Variants in FHIP1A observed in about 807,000 individuals in gnomAD.
FHIP1A encodes the protein FHF complex subunit HOOK-interacting protein 1A.
FHIP1A carries 61 observed loss-of-function variants against 88.6 expected under a neutral mutation model. The ratio of observed to expected loss-of-function variants is 0.69; its 90% CI spans 0.56 to 0.85. FHIP1A has a LOEUF of 0.85. Ranked by LOEUF, FHIP1A falls within the 40% of genes least tolerant of loss-of-function variation. The probability of loss-of-function intolerance (pLI) is 0.00; values close to 1 mark genes in which losing one functional copy is unlikely to be tolerated. For missense variants in FHIP1A, 1,154 were observed against 1,273.5 expected (o/e 0.91, Z 1.43); for synonymous variants, 478 against 496.0 (o/e 0.96, Z 0.48).
intron 3 of FHIP1A, among the ~76,000 whole-genome samples, chr4:151,493,917 ACAAGG>A (rs1730372236): frequency 6.6e-6 from 1 of 152,188 alleles, no homozygotes; most frequent in Admixed American, 6.5e-5. Context: ...CCGGAACAAG[ACAAGG>A]AAGCCCACTT....
intron 7 of FHIP1A, among the ~76,000 whole-genome samples, chr4:151,597,406 G>C (rs895379079): frequency 6.6e-6 from 1 of 152,100 alleles, no homozygotes; most frequent in African/African-American, 2.4e-5. Context: ...TGGAAGCTTC[G>C]TCCCAGAGGG....
intron 2 of FHIP1A, among the ~76,000 whole-genome samples, chr4:151,480,628 T>C (rs562067984): frequency 6.6e-6 from 1 of 152,202 alleles, no homozygotes; most frequent in African/African-American, 2.4e-5. Flanking sequence ...GAGGTGATAC[T>C]GGTAGTTCCC....
chr4:151,631,221 G>C (rs180856676), intron 8 of FHIP1A, among the ~76,000 whole-genome samples: 1 of 151,926 alleles, frequency 6.6e-6, no homozygotes, highest in African/African-American at 2.4e-5. Flanking sequence ...TCTTTGACAA[G>C]ATTCACAAAC....
chr4:151,574,520 A>G (rs894827172), intron 4 of FHIP1A, among the ~76,000 whole-genome samples: 4 of 152,096 alleles, frequency 2.6e-5, no homozygotes, highest in Admixed American at 2.6e-4. Flanking sequence ...TATATTGTAT[A>G]TATAAAATAT....
intron 1 of FHIP1A, among the ~76,000 whole-genome samples, chr4:151,411,222 T>C (rs1732626512): frequency 6.6e-6 from 1 of 152,184 alleles, no homozygotes; most frequent in Non-Finnish European, 1.5e-5. Context: ...CTAAGTTCTT[T>C]CTTTAATAGG....
chr4:151,469,124 A>G lies in FHIP1A; in HGVS notation c.-247-13400A>G, dbSNP rs186820150. On this transcript the variant is annotated intron_variant, in intron 2 of 13. Coordinates refer to ENST00000435205, the MANE Select transcript of FHIP1A (RefSeq NM_001109977.3). The stretch of plus-strand genomic sequence containing the variant: ...CTTCCCTCAAAAAAGCTGATTTACC[A>G]TTGCTTTAGTTGCTTTTGGATAATA... 4.3e-3 allele frequency among the ~76,000 whole-genome samples: 658 copies of G among 152,348 alleles called. 4 individuals are homozygous for G. Among genetic ancestry groups the G allele is most frequent in the Non-Finnish European group, 5.7e-3 (391 of 68,024 alleles).
intron 3 of FHIP1A, among the ~76,000 whole-genome samples, chr4:151,525,484 C>T (rs550261093): frequency 6.6e-6 from 1 of 152,334 alleles, no homozygotes; most frequent in Admixed American, 6.5e-5. Context: ...AGTGCCAGAT[C>T]TCATCCTTGA....
Position 151,651,472 on chromosome 4 carries a change from G to A in FHIP1A, c.2551+880G>A, listed in dbSNP as rs1000777119. 4.6e-5 allele frequency among the ~76,000 whole-genome samples: 7 copies of A among 152,230 alleles called. No homozygotes were observed. The South Asian group carries it at 6.2e-4, about 13-fold the overall frequency. On this transcript the variant is annotated intron_variant, in intron 11 of 13. Transcript: ENST00000435205. ...CAAGGAGAGGGGCTGGAAGATAGTA[G>A]CAATGGAGGGTGACAGTGGCCTTGG...
chr4:151,634,849 T>A (rs1453675168), intron 8 of FHIP1A, among the ~76,000 whole-genome samples: 1 of 151,878 alleles, frequency 6.6e-6, no homozygotes, highest in Non-Finnish European at 1.5e-5. Flanking sequence ...TTTGTAATAA[T>A]TTCTTGGATA....
At chr4:151,652,479 A>G (rs1737065107) in intron 11 of FHIP1A, among the ~76,000 whole-genome samples, 1 of 152,184 alleles carries the variant, frequency 6.6e-6, no homozygotes. Flanking sequence ...CCATTTGTCT[A>G]ATTTTATTTA....
intron 7 of FHIP1A, among the ~76,000 whole-genome samples, chr4:151,608,037 C>CTGTTTTTT (rs1735146397): frequency 1.5e-5 from 1 of 67,104 alleles, no homozygotes; most frequent in Admixed American, 2.2e-4. Context: ...CTTTCTTCTT[C>CTGTTTTTT]TTTTTTTTTT....
At chr4:151,418,447 T>C (rs1177067477) in intron 1 of FHIP1A, among the ~76,000 whole-genome samples, 1 of 152,202 alleles carries the variant, frequency 6.6e-6, no homozygotes, top group Non-Finnish European at 1.5e-5. Flanking sequence ...GGAGAGTGTT[T>C]TTTTTGTCCT....
At chr4:151,475,862 AT>A (rs1365782414) in intron 2 of FHIP1A, among the ~76,000 whole-genome samples, 1 of 139,588 alleles carries the variant, frequency 7.2e-6, no homozygotes, top group Non-Finnish European at 1.6e-5. Flanking sequence ...AATCTCTATT[AT>A]CGATTTTTTT....
At chr4:151,604,305 G>C (rs1424117274) in intron 7 of FHIP1A, among the ~76,000 whole-genome samples, 1 of 151,924 alleles carries the variant, frequency 6.6e-6, no homozygotes, top group Non-Finnish European at 1.5e-5. Flanking sequence ...AGGTGATTTT[G>C]CATTTGACCC....
chr4:151,568,230 T>G (rs1733465828), intron 4 of FHIP1A, among the ~76,000 whole-genome samples: 1 of 152,240 alleles, frequency 6.6e-6, no homozygotes, highest in Non-Finnish European at 1.5e-5. Context: ...TGAAGCACAG[T>G]ACAGATACAT....
intron 7 of FHIP1A, among the ~76,000 whole-genome samples, chr4:151,617,745 G>C (rs901048875): frequency 1.3e-5 from 2 of 152,118 alleles, no homozygotes; most frequent in Non-Finnish European, 2.9e-5. Flanking sequence ...AATTAGCCAG[G>C]CATGGTGGCG....
intron 2 of FHIP1A, among the ~76,000 whole-genome samples, chr4:151,479,679 C>A (rs1729828082): frequency 6.6e-6 from 1 of 151,844 alleles, no homozygotes; most frequent in African/African-American, 2.4e-5. Context: ...AAATGTGCAC[C>A]CCACCCACAT....
intron 7 of FHIP1A, among the ~76,000 whole-genome samples, chr4:151,614,024 G>T (rs1735420784): frequency 6.6e-6 from 1 of 152,056 alleles, no homozygotes; most frequent in Non-Finnish European, 1.5e-5. Flanking sequence ...TTAGCTGGGT[G>T]TGGTGGCGCA....
chr4:151,469,261 A>C (rs7682770), intron 2 of FHIP1A, among the ~76,000 whole-genome samples: 79,032 of 152,032 alleles, frequency 0.52, 20,850 homozygotes, highest in African/African-American at 0.55. Context: ...TACTGTATAC[A>C]TTAAGTCAAG....
Sources: allele counts gnomAD v4.1 joint callset (sites outside exome capture counted in the v4.1 genomes callset), GRCh38; gene constraint gnomAD v4.1.1; transcripts MANE v1.5; gene names NCBI Gene and HGNC (gene_info 2026-07-23, HGNC 2026-07-21).